The following CYRIA variants were observed in gnomAD, a reference collection of about 807,000 sequenced individuals.
The protein encoded by CYRIA is CYFIP related Rac1 interactor A.
Under a neutral mutation model 43.9 loss-of-function variants are expected in CYRIA, and 15 were observed. The ratio of observed to expected loss-of-function variants is 0.34; its 90% CI spans 0.23 to 0.53. The LOEUF (loss-of-function observed/expected upper bound fraction) is 0.53. Ranked by LOEUF, CYRIA falls within the 20% of genes least tolerant of loss-of-function variation. The pLI, the probability that CYRIA is intolerant of heterozygous loss-of-function variation, is 0.94. For missense variants in CYRIA, 236 were observed against 394.2 expected (o/e 0.60, Z 3.40); for synonymous variants, 117 against 136.0 (o/e 0.86, Z 0.97).
chr2:16,645,766 G>A (rs1383314083), intron 1 of CYRIA, among the ~76,000 whole-genome samples: 1 of 152,202 alleles, frequency 6.6e-6, no homozygotes, highest in Non-Finnish European at 1.5e-5. Context: ...GGATGCTACA[G>A]TTTATTTTAA....
intron 2 of CYRIA, among the ~76,000 whole-genome samples, chr2:16,608,919 A>T (rs965305265): frequency 1.3e-5 from 2 of 152,186 alleles, no homozygotes; most frequent in African/African-American, 4.8e-5. Context: ...GATCATTCAC[A>T]TGGCTATTAA....
rs1376655065 is a variant in CYRIA at position 16,562,102 on chromosome 2, G to T, written c.338C>A (p.Pro113Gln). 6.2e-7 allele frequency: 1 copy of T among 1,612,874 alleles called. No individual in the cohort carries two copies. ...LQSLLESLTC[P>Q]PYTPTQHLER... is the part of the protein sequence containing the mutation. ...CAGGTGTTGGGTTGGTGTGTAGGGT[G>T]GACAAGTCAGAGATTCCAATAAACT... is the stretch of plus-strand genomic sequence containing the variant. The change falls in exon 6 of 12, where the codon CCA (proline) becomes CAA (glutamine). Residue 113 changes from proline to glutamine, a missense_variant. Pro to Gln is a moderately conservative substitution (Grantham distance 76, BLOSUM62 -1). This residue lies in a region of CYRIA where 193 missense variants were observed against 303.9 expected (regional missense o/e 0.64). Transcript: ENST00000381323.
At chr2:16,582,439 T>A (rs973128887) in intron 3 of CYRIA, among the ~76,000 whole-genome samples, 3 of 152,186 alleles carry the variant, frequency 2.0e-5, no homozygotes, top group Non-Finnish European at 2.9e-5. Context: ...TGTGCAACCA[T>A]CATTACAATC....
intron 2 of CYRIA, among the ~76,000 whole-genome samples, chr2:16,599,996 T>C (rs528885711): frequency 6.6e-6 from 1 of 152,156 alleles, no homozygotes; most frequent in African/African-American, 2.4e-5. Context: ...CCTCAGGTGA[T>C]CCACCCGCCT....
At chr2:16,648,162 T>C (rs16982644) in intron 1 of CYRIA, among the ~76,000 whole-genome samples, 7,435 of 152,120 alleles carry the variant, frequency 0.049, 235 homozygotes, top group Middle Eastern at 0.088. Flanking sequence ...CCCAGGTGGT[T>C]TTATCTATCT....
At chr2:16,628,718 A>T (rs1572188218) in intron 1 of CYRIA, among the ~76,000 whole-genome samples, 1 of 151,750 alleles carries the variant, frequency 6.6e-6, no homozygotes, top group East Asian at 1.9e-4. Flanking sequence ...TACAATCCAC[A>T]CTCCCACAGG....
intron 2 of CYRIA, among the ~76,000 whole-genome samples, chr2:16,600,282 C>A (rs1668159490): frequency 1.3e-5 from 2 of 152,202 alleles, no homozygotes; most frequent in Non-Finnish European, 2.9e-5. Flanking sequence ...CCTAGGAGAT[C>A]TGCTTTATCT....
At chr2:16,570,248 C>T (rs1667079962) in intron 3 of CYRIA, among the ~76,000 whole-genome samples, 1 of 152,022 alleles carries the variant, frequency 6.6e-6, no homozygotes. Context: ...ACTCAAATGG[C>T]TTTTGTATAG....
chr2:16,629,721 T>C (rs2103519300), intron 1 of CYRIA, among the ~76,000 whole-genome samples: 1 of 152,348 alleles, frequency 6.6e-6, no homozygotes, highest in African/African-American at 2.4e-5. Context: ...TAGGGGCTTC[T>C]GCAAGTGATG....
chr2:16,636,763 A>G (rs965478488), intron 1 of CYRIA, among the ~76,000 whole-genome samples: 1 of 151,722 alleles, frequency 6.6e-6, no homozygotes, highest in African/African-American at 2.4e-5. Flanking sequence ...TGGGCAACGT[A>G]GTAAGATCCT....
At chr2:16,654,186 A>C (rs1187805006) in intron 1 of CYRIA, among the ~76,000 whole-genome samples, 2 of 152,158 alleles carry the variant, frequency 1.3e-5, no homozygotes, top group Non-Finnish European at 2.9e-5. Context: ...TGAATCACTG[A>C]TTCACCAAGC....
chr2:16,584,144 C>T (rs955187488), intron 3 of CYRIA, among the ~76,000 whole-genome samples: 4 of 152,144 alleles, frequency 2.6e-5, no homozygotes, highest in African/African-American at 4.8e-5. Flanking sequence ...GCAACAAATT[C>T]GGAATCTGCT....
At chr2:16,654,240 T>C (rs1261419682) in intron 1 of CYRIA, among the ~76,000 whole-genome samples, 3 of 152,250 alleles carry the variant, frequency 2.0e-5, no homozygotes, top group Admixed American at 1.3e-4. Flanking sequence ...TTTTGCTCTC[T>C]ATAAAATAAA....
chr2:16,574,589 G>A (rs1005815391), intron 3 of CYRIA, among the ~76,000 whole-genome samples: 1 of 152,196 alleles, frequency 6.6e-6, no homozygotes, highest in African/African-American at 2.4e-5. Context: ...GCAGTCTAGG[G>A]ACTTGGTTCC....
At chr2:16,633,930 T>C (rs1669413575) in intron 1 of CYRIA, among the ~76,000 whole-genome samples, 2 of 152,074 alleles carry the variant, frequency 1.3e-5, no homozygotes, top group African/African-American at 4.8e-5. Flanking sequence ...CAAGGTTATA[T>C]AATGAGGTGA....
chr2:16,593,741 T>C (rs1668015638), intron 2 of CYRIA, among the ~76,000 whole-genome samples: 1 of 133,618 alleles, frequency 7.5e-6, no homozygotes. Flanking sequence ...TTTTTTTTAT[T>C]ATACTCTAAG....
At position 16,632,297 on chromosome 2, in the gene CYRIA, T is replaced by C. The variant is rs75372738; in HGVS notation, c.-166-8278A>G. Reference sequence around the variant, plus strand: ...CTGACATTTGAGAAAGTCATGTTCTTATCAGGCAAACCTCTGCTAAAACTA... The same window carrying C: ...CTGACATTTGAGAAAGTCATGTTCTCATCAGGCAAACCTCTGCTAAAACTA... On this transcript the variant is annotated intron_variant, in intron 1 of 11. Coordinates refer to ENST00000381323, the MANE Select transcript of CYRIA (RefSeq NM_030797.4). 5.9e-3 allele frequency among the ~76,000 whole-genome samples: 896 copies of C among 152,328 alleles called. 8 individuals carry two copies. The highest frequency in any genetic ancestry group is 0.021 in the African/African-American group (866 of 41,574).
intron 1 of CYRIA, among the ~76,000 whole-genome samples, chr2:16,628,633 T>G (rs1669234635): frequency 6.6e-6 from 1 of 152,252 alleles, no homozygotes; most frequent in Non-Finnish European, 1.5e-5. Context: ...AAGGGGGCCC[T>G]TTTAATAATA....
chr2:16,585,471 C>T (rs1300707838), intron 3 of CYRIA, among the ~76,000 whole-genome samples: 5 of 152,086 alleles, frequency 3.3e-5, no homozygotes, highest in Non-Finnish European at 7.4e-5. Flanking sequence ...TAAAGTTAGT[C>T]TTATCCATAG....
Sources: gnomAD v4.1 joint callset for allele counts (sites outside exome capture counted in the v4.1 genomes callset) on GRCh38, gnomAD v4.1.1 for gene constraint, gnomAD v4.1.1 regional missense constraint, MANE v1.5 for transcripts, NCBI Gene and HGNC (gene_info 2026-07-23, HGNC 2026-07-21) for gene names.